The following SPOCK1 variants were observed in gnomAD, a reference collection of about 807,000 sequenced individuals.
The protein encoded by SPOCK1 is testican-1.
In SPOCK1, 23 loss-of-function variants were observed where a neutral mutation model predicts 55.3. The ratio of observed to expected loss-of-function variants is 0.42; its 90% CI spans 0.30 to 0.59. The LOEUF (loss-of-function observed/expected upper bound fraction) is 0.59, where lower values mean the gene tolerates loss of function less well. SPOCK1 is among the 20% of genes least tolerant of loss of function. SPOCK1 has a pLI of 0.22. For synonymous variants in SPOCK1, 226 were observed against 221.0 expected, an observed-to-expected ratio of 1.02 and a Z score of -0.20; for missense variants, 499 against 552.5, an observed-to-expected ratio of 0.90 and a Z score of 0.97.
intron 6 of SPOCK1, among the ~76,000 whole-genome samples, chr5:137,067,170 G>C (rs1187083515): frequency 6.6e-6 from 1 of 152,120 alleles, no homozygotes; most frequent in Non-Finnish European, 1.5e-5. Context: ...ACATCCAAAT[G>C]AGCCCAAGCT....
chr5:137,140,747 ATTTTTTTTTT>A (rs11309240), intron 3 of SPOCK1, 53 bp from the exon 4 acceptor site: 10 of 352,302 alleles, frequency 2.8e-5, no homozygotes, highest in South Asian at 1.5e-4. Context: ...GGGAAATTTA[ATTTTTTTTTT>A]TTTTTTTTTT....
chr5:137,431,131 A>T (rs1408899185), intron 2 of SPOCK1, among the ~76,000 whole-genome samples: 1 of 152,196 alleles, frequency 6.6e-6, no homozygotes, highest in African/African-American at 2.4e-5. Context: ...GTTAGCTCTG[A>T]TGTTGTTGAG....
intron 3 of SPOCK1, among the ~76,000 whole-genome samples, chr5:137,155,863 T>C (rs888846605): frequency 6.6e-6 from 1 of 152,204 alleles, no homozygotes; most frequent in African/African-American, 2.4e-5. Context: ...TTCAAAGCCC[T>C]GTTAGAGGGC....
At chr5:137,018,611 G>T (rs943407993) in intron 6 of SPOCK1, among the ~76,000 whole-genome samples, 13 of 151,990 alleles carry the variant, frequency 8.6e-5, no homozygotes, top group African/African-American at 2.9e-4. Flanking sequence ...CCCCCCATTA[G>T]TTAAAAACTC....
chr5:137,285,138 A>G (rs1340006881), intron 2 of SPOCK1, among the ~76,000 whole-genome samples: 1 of 152,220 alleles, frequency 6.6e-6, no homozygotes, highest in African/African-American at 2.4e-5. Context: ...GGTTGCTCGC[A>G]GACACACACA....
chr5:137,240,497 G>A (rs958148170), intron 3 of SPOCK1, among the ~76,000 whole-genome samples: 1 of 152,148 alleles, frequency 6.6e-6, no homozygotes, highest in South Asian at 2.1e-4. Context: ...AGCCATTCAT[G>A]AGGGCTACAC....
Position 136,977,887 on chromosome 5 carries a change from G to C in SPOCK1, c.*767C>G, listed in dbSNP as rs1263598734. On this transcript the variant is annotated 3_prime_UTR_variant, in exon 11 of 11. Coordinates refer to ENST00000394945, the MANE Select transcript of SPOCK1 (RefSeq NM_004598.4). The stretch of plus-strand genomic sequence containing the variant: ...TTCCAGAAATTTTGTTCCAGGTCTG[G>C]ACAAGCTGAGAAATTTATCATTGTT... The C allele has an allele frequency of 2.5e-6, 1 of 398,840 alleles. No individual in the cohort carries two copies. The highest frequency in any genetic ancestry group is 6.3e-4 in the Middle Eastern group (1 of 1,588). 24.7% of individuals were successfully genotyped at this position (398,840 alleles called of 1,614,324 possible).
At chr5:137,372,403 T>G (rs968794214) in intron 2 of SPOCK1, among the ~76,000 whole-genome samples, 41 of 152,172 alleles carry the variant, frequency 2.7e-4, no homozygotes, top group African/African-American at 9.7e-4. Context: ...TGCAAACCCC[T>G]TCCTGCATGC....
intron 3 of SPOCK1, among the ~76,000 whole-genome samples, chr5:137,229,805 A>G (rs922660914): frequency 1.3e-5 from 2 of 152,266 alleles, no homozygotes; most frequent in African/African-American, 4.8e-5. Context: ...GATTCTCATA[A>G]GGAGTGCACA....
chr5:137,339,559 G>A lies in SPOCK1; in HGVS notation c.187-72504C>T, dbSNP rs140848865. 3.2e-3 allele frequency among the ~76,000 whole-genome samples: 480 copies of A among 152,248 alleles called. 3 individuals are homozygous for A. The highest frequency in any genetic ancestry group is 0.011 in the African/African-American group (448 of 41,542). On this transcript the variant is annotated intron_variant, in intron 2 of 10. Coordinates refer to ENST00000394945, the MANE Select transcript of SPOCK1 (RefSeq NM_004598.4). ...CTTCCAATGGCATTTATGAGCCTCC[G>A]CATCAAGCTAAACCTAAAACCAGAA...
rs2126956002 is a variant in SPOCK1 at position 136,978,462 on chromosome 5, C to G, written c.*192G>C. The G allele has an allele frequency of 2.1e-6, 1 of 472,250 alleles. No individual in the cohort carries two copies. Among genetic ancestry groups the G allele is most frequent in the Admixed American group, 4.0e-5 (1 of 24,922 alleles). The allele number at this position is 472,250 out of a possible 1,614,324, so 29.3% of individuals were successfully genotyped here. A position where few individuals can be genotyped will look rare whatever the true frequency, so the allele number is the denominator to read the frequency against. ...CAACAACAAAAAAAAAACACAACAC[C>G]CTTTCTCCCATACAAACATATGCAA... is the stretch of plus-strand genomic sequence containing the variant. On this transcript the variant is annotated 3_prime_UTR_variant, in exon 11 of 11. Coordinates refer to ENST00000394945, the MANE Select transcript of SPOCK1 (RefSeq NM_004598.4).
chr5:137,349,746 TTCTC>T (rs1750635661), intron 2 of SPOCK1, among the ~76,000 whole-genome samples: 1 of 152,172 alleles, frequency 6.6e-6, no homozygotes, highest in South Asian at 2.1e-4. Flanking sequence ...TCACATGGTG[TTCTC>T]TCTGTGTCTT....
At chr5:137,278,588 C>T (rs533327589) in intron 2 of SPOCK1, among the ~76,000 whole-genome samples, 25 of 152,306 alleles carry the variant, frequency 1.6e-4, no homozygotes, top group African/African-American at 5.8e-4. Context: ...ACAGAACCCA[C>T]ACTCCCAAAG....
chr5:137,437,792 C>T (rs1046922290), intron 2 of SPOCK1, among the ~76,000 whole-genome samples: 1 of 152,146 alleles, frequency 6.6e-6, no homozygotes, highest in Non-Finnish European at 1.5e-5. Context: ...TTATTGTAAA[C>T]TATAGTAACC....
chr5:137,471,028 T>C (rs972383837), intron 2 of SPOCK1, among the ~76,000 whole-genome samples: 1 of 152,220 alleles, frequency 6.6e-6, no homozygotes, highest in Non-Finnish European at 1.5e-5. Context: ...TTAATTGTAA[T>C]ATGAGTTAAC....
At chr5:137,204,249 T>G (rs1329552099) in intron 3 of SPOCK1, among the ~76,000 whole-genome samples, 2 of 152,242 alleles carry the variant, frequency 1.3e-5, no homozygotes, top group Non-Finnish European at 2.9e-5. Context: ...TTGTTCAGAA[T>G]ATTTGTAGTG....
intron 3 of SPOCK1, among the ~76,000 whole-genome samples, chr5:137,249,273 T>C (rs1399121354): frequency 1.3e-5 from 2 of 152,224 alleles, no homozygotes; most frequent in African/African-American, 4.8e-5. Context: ...CAGAATTATT[T>C]ATAGATGCAT....
At chr5:137,342,966 T>C (rs1038899895) in intron 2 of SPOCK1, among the ~76,000 whole-genome samples, 1 of 152,256 alleles carries the variant, frequency 6.6e-6, no homozygotes, top group Non-Finnish European at 1.5e-5. Flanking sequence ...CACCAAAATG[T>C]AATGACTAAT....
chr5:137,061,437 GA>G (rs1469497835), intron 6 of SPOCK1, among the ~76,000 whole-genome samples: 1 of 152,168 alleles, frequency 6.6e-6, no homozygotes, highest in Non-Finnish European at 1.5e-5. Context: ...TTTGAGAAAA[GA>G]AAATCACTGT....
Sources: allele counts gnomAD v4.1 joint callset (sites outside exome capture counted in the v4.1 genomes callset), GRCh38; gene constraint gnomAD v4.1.1; transcripts MANE v1.5; gene names NCBI Gene and HGNC (gene_info 2026-07-23, HGNC 2026-07-21).